TMPRSS15: variants seen among roughly 807,000 people sequenced by gnomAD.
The protein encoded by TMPRSS15 is enteropeptidase.
Under a neutral mutation model 125.3 loss-of-function variants are expected in TMPRSS15, and 128 were observed. That is an observed-to-expected ratio of 1.02 (90% confidence interval 0.89 to 1.18). TMPRSS15 has a LOEUF of 1.18. Among genes scored for constraint, TMPRSS15 ranks in the 50% most tolerant of loss-of-function variants. The pLI, the probability that TMPRSS15 is intolerant of heterozygous loss-of-function variation, is 0.00. For synonymous variants in TMPRSS15, 446 were observed against 423.2 expected, an observed-to-expected ratio of 1.05 and a Z score of -0.66; for missense variants, 1,283 against 1,212.7, an observed-to-expected ratio of 1.06 and a Z score of -0.86.
Position 18,415,341 on chromosome 21 carries a change from G to A in TMPRSS15, c.11-17012C>T, listed in dbSNP as rs111289820. Among the ~76,000 whole-genome samples, 106 of 152,094 alleles carry A rather than the reference G, an allele frequency of 7.0e-4. 1 individual carries two copies. Among genetic ancestry groups the A allele is most frequent in the African/African-American group, 2.4e-3 (100 of 41,540 alleles). The stretch of plus-strand genomic sequence containing the variant: ...ATCTGTTGCTTCCTTTCCTGCACAG[G>A]AGCTTTTTAGTTTGACATAGTCCCA... On this transcript the variant is annotated intron_variant, in intron 1 of 7. Transcript: ENST00000422787.
intron 1 of TMPRSS15, among the ~76,000 whole-genome samples, chr21:18,459,254 T>C (rs940727027): frequency 2.0e-5 from 3 of 152,102 alleles, no homozygotes; most frequent in African/African-American, 2.4e-5. Flanking sequence ...GTTCCAGTTA[T>C]CAACAGGTCT....
chr21:18,440,352 G>A (rs13052577), intron 1 of TMPRSS15, among the ~76,000 whole-genome samples: 36,005 of 107,964 alleles, frequency 0.33, 6,815 homozygotes, highest in Middle Eastern at 0.49. Context: ...CAGCCTGGGC[G>A]ACAGAGCGAA....
chr21:18,362,525 C>G (rs997544095), intron 7 of TMPRSS15, among the ~76,000 whole-genome samples: 3 of 152,092 alleles, frequency 2.0e-5, no homozygotes, highest in Admixed American at 1.3e-4. Flanking sequence ...GAAAATTCAA[C>G]TCACTTCCAA....
chr21:18,350,849 A>C (rs928455456), intron 10 of TMPRSS15, among the ~76,000 whole-genome samples: 1 of 151,962 alleles, frequency 6.6e-6, no homozygotes, highest in Non-Finnish European at 1.5e-5. Flanking sequence ...GTTCACAGAT[A>C]TATTCTGAAT....
chr21:18,458,023 C>T (rs1392881055), intron 1 of TMPRSS15, among the ~76,000 whole-genome samples: 8 of 152,228 alleles, frequency 5.3e-5, no homozygotes, highest in African/African-American at 9.6e-5. Flanking sequence ...TGCATTGAGA[C>T]GAAGCCCAGG....
At position 18,457,584 on chromosome 21, in the gene TMPRSS15, T is replaced by C. The variant is rs550877744; in HGVS notation, c.10+28215A>G. ...GTTTGATTTGTGAAAGTAACAATCT[T>C]ATAGTAGTTATTAATAATGCAATAG... is the stretch of plus-strand genomic sequence containing the variant. On this transcript the variant is annotated intron_variant, in intron 1 of 7. Coordinates refer to the TMPRSS15 transcript ENST00000422787. Among the ~76,000 whole-genome samples, 13 of 152,256 alleles carry C rather than the reference T, an allele frequency of 8.5e-5. No individual in the cohort carries two copies. In the South Asian group the frequency reaches 2.5e-3, roughly 29 times the overall value.
chr21:18,365,598 CCTT>C (rs1374515510), intron 6 of TMPRSS15, among the ~76,000 whole-genome samples: 6 of 115,426 alleles, frequency 5.2e-5, no homozygotes, highest in African/African-American at 2.0e-4. Context: ...TTCCTTCCTT[CCTT>C]CTTTCCTTCC....
At chr21:18,307,745 T>G (rs148255493) in intron 18 of TMPRSS15, among the ~76,000 whole-genome samples, 290 of 152,244 alleles carry the variant, frequency 1.9e-3, no homozygotes, top group African/African-American at 6.7e-3. Flanking sequence ...AACGTAAATG[T>G]AGGGATCCAC....
chr21:18,337,732 A>G (rs904463225), intron 13 of TMPRSS15, among the ~76,000 whole-genome samples: 1 of 152,200 alleles, frequency 6.6e-6, no homozygotes, highest in Non-Finnish European at 1.5e-5. Flanking sequence ...TAAGTGCTCT[A>G]TACGAACCCA....
chr21:18,311,610 G>A (rs2075101892), intron 18 of TMPRSS15, among the ~76,000 whole-genome samples: 1 of 152,108 alleles, frequency 6.6e-6, no homozygotes, highest in Non-Finnish European at 1.5e-5. Context: ...AGACATGGAG[G>A]AAGAAGAACA....
intron 23 of TMPRSS15, among the ~76,000 whole-genome samples, chr21:18,277,851 T>C (rs1359685235): frequency 1.3e-5 from 2 of 152,224 alleles, no homozygotes; most frequent in Non-Finnish European, 2.9e-5. Flanking sequence ...TTATTATTTA[T>C]GAGTGGTTAA....
chr21:18,363,346 A>G (rs2075695284), intron 7 of TMPRSS15, among the ~76,000 whole-genome samples: 1 of 152,142 alleles, frequency 6.6e-6, no homozygotes, highest in African/African-American at 2.4e-5. Context: ...ACTAAAAACA[A>G]TAGGGCCATA....
rs1024903882 is a variant in TMPRSS15, at chr21:18,270,199, A to G, written c.2905-75T>C. 3 of 1,255,832 alleles carry G rather than the reference A, an allele frequency of 2.4e-6. No homozygotes were observed. The African/African-American group carries it at 4.8e-5, about 20-fold the overall frequency. 77.8% of individuals were successfully genotyped at this position (1,255,832 alleles called of 1,614,324 possible). ...GAAACATATAAAATTATTTGTATCAAATAAATTAAAAAATAAAAATTAATT... is the reference window on the plus strand; with the variant it reads ...GAAACATATAAAATTATTTGTATCAGATAAATTAAAAAATAAAAATTAATT... On this transcript the variant is annotated intron_variant, in intron 24 of 24. Transcript: ENST00000284885.
At chr21:18,332,522 T>C (rs2075355513) in intron 13 of TMPRSS15, among the ~76,000 whole-genome samples, 1 of 152,176 alleles carries the variant, frequency 6.6e-6, no homozygotes, top group Non-Finnish European at 1.5e-5. Context: ...TGGATCTTTG[T>C]CAGATGCATA....
intron 10 of TMPRSS15, among the ~76,000 whole-genome samples, chr21:18,346,060 T>C (rs1407802008): frequency 6.6e-6 from 1 of 152,010 alleles, no homozygotes; most frequent in Non-Finnish European, 1.5e-5. Context: ...AGAGTAAATA[T>C]CATATAGAAT....
chr21:18,283,719 T>C (rs1299776703), intron 21 of TMPRSS15, among the ~76,000 whole-genome samples: 2 of 152,138 alleles, frequency 1.3e-5, no homozygotes, highest in East Asian at 1.9e-4. Context: ...ATTTTTCATA[T>C]AGAAGTTCAG....
intron 10 of TMPRSS15, among the ~76,000 whole-genome samples, chr21:18,349,979 G>C (rs1171854014): frequency 6.6e-6 from 1 of 152,076 alleles, no homozygotes; most frequent in Non-Finnish European, 1.5e-5. Context: ...GAACATCAGA[G>C]ATTTCAACCA....
chr21:18,380,403 C>T (rs1311305034), intron 4 of TMPRSS15: 9 of 356,704 alleles, frequency 2.5e-5, no homozygotes, highest in Admixed American at 1.0e-4. Flanking sequence ...TTATTCCTAA[C>T]CAATATAAGC....
Position 18,297,815 on chromosome 21 carries a change from G to A in TMPRSS15, c.2180C>T (p.Ser727Leu), listed in dbSNP as rs755944895. The A allele has an allele frequency of 6.2e-7, 1 of 1,612,838 alleles. No individual in the cohort carries two copies. Among genetic ancestry groups the A allele is most frequent in the Non-Finnish European group, 8.5e-7 (1 of 1,178,994 alleles). ...QLLGLGSGNSSKPIFPTDGGP... is the reference protein window; with the variant it reads ...QLLGLGSGNSLKPIFPTDGGP... ...ACCATCGGTAGGGAAGATTGGCTTT[G>A]ATGAGTTTCCACTCCTAGAGAAAAA... The change falls in exon 19 of 25, where the codon TCA (serine) becomes TTA (leucine). Residue 727 changes from serine to leucine, a missense_variant. By Grantham distance (145) the Ser-to-Leu change is moderately radical (BLOSUM62 -2). Transcript: ENST00000284885.
Sources: allele counts gnomAD v4.1 joint callset (sites outside exome capture counted in the v4.1 genomes callset), GRCh38; gene constraint gnomAD v4.1.1; transcripts MANE v1.5; gene names NCBI Gene and HGNC (gene_info 2026-07-23, HGNC 2026-07-21).